CFTR: variants seen among roughly 807,000 people sequenced by gnomAD.
CFTR encodes CF transmembrane conductance regulator.
A neutral mutation model predicts 171.6 loss-of-function variants in CFTR; 181 were observed. The ratio of observed to expected loss-of-function variants is 1.05; its 90% CI spans 0.93 to 1.19. The LOEUF (loss-of-function observed/expected upper bound fraction) is 1.19. Among genes scored for constraint, CFTR ranks in the 50% most tolerant of loss-of-function variants. The pLI is 0.00. For synonymous variants in CFTR, 583 were observed against 608.0 expected, an observed-to-expected ratio of 0.96 and a Z score of 0.60; for missense variants, 1,968 against 1,734.7, an observed-to-expected ratio of 1.13 and a Z score of -2.39.
chr7:117,629,707 G>A (rs1792709452), intron 22 of CFTR, among the ~76,000 whole-genome samples: 1 of 152,154 alleles, frequency 6.6e-6, no homozygotes, highest in Non-Finnish European at 1.5e-5. Context: ...TTTACTTTTA[G>A]TCTGGTCTGT....
intron 11 of CFTR, among the ~76,000 whole-genome samples, chr7:117,570,296 C>A (rs912629060): frequency 6.6e-6 from 1 of 151,890 alleles, no homozygotes; most frequent in Non-Finnish European, 1.5e-5. Context: ...ATGTAACCAG[C>A]GAAATCCAAT....
intron 14 of CFTR, 152 bp from the exon 15 acceptor site, chr7:117,594,778 T>TTTATATA: frequency 1.5e-6 from 1 of 678,716 alleles, no homozygotes; most frequent in Non-Finnish European, 2.5e-6. Context: ...TAGAATGACA[T>TTTATATA]CATACATGGC....
intron 11 of CFTR, among the ~76,000 whole-genome samples, chr7:117,578,556 T>C (rs1272212215): frequency 6.6e-6 from 1 of 152,040 alleles, no homozygotes; most frequent in African/African-American, 2.4e-5. Flanking sequence ...ACCCCAACCC[T>C]CATGTTGTCC....
In CFTR at chr7:117,603,632, G is replaced by A. The variant is rs373885282; in HGVS notation, c.2758G>A (p.Val920Met). ...TSSYYVFYIY[V>M]GVADTLLAMG... ...TTCGTATTATGTGTTTTACATTTAC[G>A]TGGGAGTAGCCGACACTTTGCTTGC... Residue 920 changes from valine to methionine, a missense_variant, in exon 17 of 27, where the codon GTG becomes ATG. By Grantham distance (21) the Val-to-Met change is conservative. Coordinates refer to ENST00000003084, the MANE Select transcript of CFTR (RefSeq NM_000492.4). 9.1e-5 allele frequency: 147 copies of A among 1,613,920 alleles called. 2 individuals carry two copies. Among genetic ancestry groups the A allele is most frequent in the South Asian group, 5.9e-4 (54 of 91,090 alleles).
chr7:117,650,605 A>G (rs1167083239), intron 23 of CFTR, among the ~76,000 whole-genome samples: 1 of 152,052 alleles, frequency 6.6e-6, no homozygotes, highest in Non-Finnish European at 1.5e-5. Context: ...GCAGTCCTCC[A>G]TGATAATGCC....
At chr7:117,506,434 T>G (rs1221624403) in intron 2 of CFTR, among the ~76,000 whole-genome samples, 3 of 152,156 alleles carry the variant, frequency 2.0e-5, no homozygotes, top group African/African-American at 7.2e-5. Flanking sequence ...TTAGTAGATG[T>G]GGAGTTTCGC....
At chr7:117,610,423 T>C (rs1430419574) in intron 18 of CFTR, 96 bp from the exon 19 acceptor site, 4 of 1,039,726 alleles carry the variant, frequency 3.8e-6, no homozygotes, top group African/African-American at 2.1e-5. Flanking sequence ...GTTTAAAGTA[T>C]GCAAAAAAAA....
intron 7 of CFTR, among the ~76,000 whole-genome samples, chr7:117,536,927 A>G (rs1798968906): frequency 6.6e-6 from 1 of 152,202 alleles, no homozygotes. Context: ...AATTTCCTAC[A>G]TATGTTCACT....
At chr7:117,518,658 T>A (rs1256529125) in intron 3 of CFTR, among the ~76,000 whole-genome samples, 1 of 151,184 alleles carries the variant, frequency 6.6e-6, no homozygotes, top group African/African-American at 2.4e-5. Flanking sequence ...CTCAAACTCC[T>A]GGGCTCAAGT....
chr7:117,574,979 A>AT (rs1791750407), intron 11 of CFTR, among the ~76,000 whole-genome samples: 1 of 151,936 alleles, frequency 6.6e-6, no homozygotes, highest in Admixed American at 6.6e-5. Flanking sequence ...AACGTGTCAC[A>AT]TTTTATTTAT....
At position 117,611,489 on chromosome 7, in the gene CFTR, T is replaced by C. The variant is rs4148717; in HGVS notation, c.3140-92T>C. ...ACCAATGACATTTGTGATATGATTATTCTAATTTAGTCTTTTTCAGGTACA... is the reference window on the plus strand; with the variant it reads ...ACCAATGACATTTGTGATATGATTACTCTAATTTAGTCTTTTTCAGGTACA... On this transcript the variant is annotated intron_variant, in intron 19 of 26. Coordinates refer to ENST00000003084, the MANE Select transcript of CFTR (RefSeq NM_000492.4). 49,964 of 813,724 alleles carry C rather than the reference T, an allele frequency of 0.061. 3,908 individuals are homozygous for C. Among genetic ancestry groups the C allele is most frequent in the African/African-American group, 0.32 (18,569 of 58,778 alleles). The allele number at this position is 813,724 out of a possible 1,614,324, so 50.4% of individuals were successfully genotyped here.
intron 18 of CFTR, 97 bp downstream of exon 18, chr7:117,606,850 G>A (rs896801489): frequency 1.5e-5 from 12 of 804,322 alleles, no homozygotes; most frequent in Middle Eastern, 2.3e-4. Context: ...TTTGATTGAG[G>A]GTTGAAGTCC....
In CFTR at chr7:117,493,670, A is replaced by G. The variant is rs1407931360; in HGVS notation, c.54-10583A>G. 2.0e-5 allele frequency among the ~76,000 whole-genome samples: 3 copies of G among 152,126 alleles called. No homozygotes were observed. In the East Asian group the frequency reaches 5.8e-4, roughly 29 times the overall value. On this transcript the variant is annotated intron_variant, in intron 1 of 26. Transcript: ENST00000003084. Reference sequence around the variant, plus strand: ...TGAAACTTAAATCTTGAGTCATACAATTGTGTCTACATACTGCTCCCCAAA... The same window carrying G: ...TGAAACTTAAATCTTGAGTCATACAGTTGTGTCTACATACTGCTCCCCAAA...
rs55831234 is a variant in CFTR, at chr7:117,668,402, G to A, written c.*1294G>A. 9.9e-3 allele frequency: 1,505 copies of A among 152,394 alleles called. 10 individuals are homozygous for A. The highest frequency in any genetic ancestry group is 0.017 in the Admixed American group (257 of 15,296). 9.4% of individuals were successfully genotyped at this position (152,394 alleles called of 1,614,324 possible). A position where few individuals can be genotyped will look rare whatever the true frequency, so the allele number is the denominator to read the frequency against. The stretch of plus-strand genomic sequence containing the variant: ...AAACTGGGACAGGGGAGAACCTAGG[G>A]TGATATTAACCAGGGGCCATGAATC... On this transcript the variant is annotated 3_prime_UTR_variant, in exon 27 of 27. Coordinates refer to ENST00000003084, the MANE Select transcript of CFTR (RefSeq NM_000492.4).
At chr7:117,486,896 G>GGAGA (rs138257490) in intron 1 of CFTR, among the ~76,000 whole-genome samples, 15,760 of 113,290 alleles carry the variant, frequency 0.14, 1,604 homozygotes, top group East Asian at 0.32. Context: ...GAGGGGGCGG[G>GGAGA]GAGAGAGAGA....
chr7:117,521,274 A>G (rs980073725), intron 3 of CFTR, among the ~76,000 whole-genome samples: 4 of 151,932 alleles, frequency 2.6e-5, no homozygotes. Context: ...CTTCTTTCCA[A>G]TATTTGTACC....
chr7:117,610,615 T>C lies in CFTR; in HGVS notation c.3085T>C (p.Leu1029=). Residue 1029 remains leucine, a synonymous_variant, in exon 19 of 27, where the codon TTG becomes CTG. Transcript: ENST00000003084. The part of the protein sequence containing the change: ...TVPVIVAFIM[L]RAYFLQTSQQ... The stretch of plus-strand genomic sequence containing the variant: ...GCCAGTGATAGTGGCTTTTATTATG[T>C]TGAGAGCATATTTCCTCCAAACCTC... The C allele has an allele frequency of 6.2e-7, 1 of 1,613,694 alleles. No homozygotes were observed. Among genetic ancestry groups the C allele is most frequent in the Non-Finnish European group, 8.5e-7 (1 of 1,179,778 alleles).
chr7:117,629,483 CA>C (rs1350746031), intron 22 of CFTR, among the ~76,000 whole-genome samples: 1 of 152,132 alleles, frequency 6.6e-6, no homozygotes, highest in Non-Finnish European at 1.5e-5. Context: ...TTGGTCATTT[CA>C]AAGTTACTTT....
chr7:117,578,916 T>G (rs1791812156), intron 11 of CFTR, among the ~76,000 whole-genome samples: 1 of 150,878 alleles, frequency 6.6e-6, no homozygotes, highest in African/African-American at 2.4e-5. Context: ...CAGTCAAACT[T>G]TTTTTTTTAA....
Sources: gnomAD v4.1 joint callset for allele counts (sites outside exome capture counted in the v4.1 genomes callset) on GRCh38, gnomAD v4.1.1 for gene constraint, MANE v1.5 for transcripts, NCBI Gene and HGNC (gene_info 2026-07-23, HGNC 2026-07-21) for gene names.